Variants in ISM1 observed in about 807,000 individuals in gnomAD.
ISM1 encodes the protein isthmin-1.
ISM1 carries 25 observed loss-of-function variants against 46.3 expected under a neutral mutation model. That is an observed-to-expected ratio of 0.54 (90% CI 0.39 to 0.75). ISM1 has a LOEUF of 0.75. Ranked by LOEUF, ISM1 falls within the 30% of genes least tolerant of loss-of-function variation. The probability of loss-of-function intolerance (pLI) is 0.00; values close to 1 mark genes in which losing one functional copy is unlikely to be tolerated. For synonymous variants in ISM1, 255 were observed against 256.7 expected, an observed-to-expected ratio of 0.99 and a Z score of 0.06; for missense variants, 536 against 625.4, an observed-to-expected ratio of 0.86 and a Z score of 1.52.
chr20:13,260,808 T>C (rs2039980663), intron 1 of ISM1, among the ~76,000 whole-genome samples: 1 of 152,156 alleles, frequency 6.6e-6, no homozygotes, highest in Non-Finnish European at 1.5e-5. Flanking sequence ...CTGGGTTCAC[T>C]AGCTTAAACC....
At chr20:13,265,675 G>A (rs756948656) in intron 1 of ISM1, among the ~76,000 whole-genome samples, 3 of 152,168 alleles carry the variant, frequency 2.0e-5, no homozygotes, top group Non-Finnish European at 4.4e-5. Flanking sequence ...AATTGTGATA[G>A]TATTTGGTTG....
chr20:13,253,863 A>G (rs551980090), intron 1 of ISM1, among the ~76,000 whole-genome samples: 6 of 129,688 alleles, frequency 4.6e-5, no homozygotes, highest in African/African-American at 2.2e-4. Context: ...ATCCATATCC[A>G]TATATATATA....
the ISM1 span, among the ~76,000 whole-genome samples, chr20:13,312,972 G>A: frequency 1.3e-5 from 2 of 152,158 alleles, no homozygotes; most frequent in African/African-American, 2.4e-5. Flanking sequence ...GCATCTGGGT[G>A]GGGTGTGGAG....
At chr20:13,319,722 A>C in the ISM1 span, among the ~76,000 whole-genome samples, 2 of 152,176 alleles carry the variant, frequency 1.3e-5, no homozygotes, top group South Asian at 4.1e-4. Flanking sequence ...ATCTATTTGA[A>C]GATTAACCCC....
Position 13,299,093 on chromosome 20 carries a change from C to A in ISM1, c.1029C>A (p.Arg343=), listed in dbSNP as rs1568692819. 1 of 1,613,814 alleles carries A rather than the reference C, an allele frequency of 6.2e-7. No homozygotes were observed. Among genetic ancestry groups the A allele is most frequent in the East Asian group, 2.2e-5 (1 of 44,868 alleles). The change falls in exon 6 of 6, where the codon CGC becomes CGA. Residue 343 remains arginine, a synonymous_variant. Coordinates refer to ENST00000262487, the MANE Select transcript of ISM1 (RefSeq NM_080826.2). The surrounding 1 kb of genome is among the most constrained non-coding windows in gnomAD (Gnocchi z 5.8). ...CCGACATCTTCGACCGCATCAAGCG[C>A]AAGGACTTCCGCTGGAAGGACGCCA... ...STADIFDRIK[R]KDFRWKDASG...
downstream of ISM1, among the ~76,000 whole-genome samples, chr20:13,304,744 C>T (rs893402105): frequency 1.3e-5 from 2 of 152,150 alleles, no homozygotes; most frequent in Non-Finnish European, 1.5e-5. Context: ...CCTCACCCCT[C>T]GAGTGGGGCC....
chr20:13,296,608 A>C (rs1231477532), intron 5 of ISM1, among the ~76,000 whole-genome samples: 1 of 152,184 alleles, frequency 6.6e-6, no homozygotes, highest in African/African-American at 2.4e-5. Flanking sequence ...CTCTACCCTG[A>C]AGCCAGTCTC....
chr20:13,260,501 T>C (rs572680456), intron 1 of ISM1, among the ~76,000 whole-genome samples: 2 of 152,324 alleles, frequency 1.3e-5, no homozygotes, highest in African/African-American at 4.8e-5. Flanking sequence ...GTTCTAGTCA[T>C]TGCAGATAGA....
At chr20:13,246,491 C>T (rs967360997) in intron 1 of ISM1, among the ~76,000 whole-genome samples, 9 of 152,196 alleles carry the variant, frequency 5.9e-5, no homozygotes, top group Non-Finnish European at 1.2e-4. Flanking sequence ...ATACCCATGG[C>T]ATGCAGTGTA....
At chr20:13,311,243 T>TAGATAGATAGATAGATGATA in the ISM1 span, among the ~76,000 whole-genome samples, 7,599 of 127,458 alleles carry the variant, frequency 0.06, 278 homozygotes, top group Non-Finnish European at 0.077. Flanking sequence ...GATAGATAGA[T>TAGATAGATAGATAGATGATA]GATAGATAGA....
the ISM1 span, among the ~76,000 whole-genome samples, chr20:13,309,316 C>T: frequency 6.7e-6 from 1 of 150,066 alleles, no homozygotes; most frequent in East Asian, 1.9e-4. Context: ...GAATAAAGGA[C>T]AAAACATTTT....
At chr20:13,250,682 G>T (rs1403730104) in intron 1 of ISM1, among the ~76,000 whole-genome samples, 1 of 152,238 alleles carries the variant, frequency 6.6e-6, no homozygotes, top group Admixed American at 6.5e-5. Context: ...TAAGCTCCAT[G>T]AGGGTAAGAT....
At chr20:13,308,671 A>G in the ISM1 span, among the ~76,000 whole-genome samples, 5 of 152,254 alleles carry the variant, frequency 3.3e-5, no homozygotes, top group African/African-American at 9.6e-5. Flanking sequence ...ATTGTCAAAA[A>G]TGTGTCTATA....
At chr20:13,284,785 G>A (rs906133779) in intron 3 of ISM1, among the ~76,000 whole-genome samples, 6 of 152,114 alleles carry the variant, frequency 3.9e-5, no homozygotes, top group South Asian at 2.1e-4. Context: ...GCCACATGGC[G>A]AGTTCTATGC....
In ISM1 at chr20:13,221,818, G is replaced by C; in HGVS notation, c.42G>C (p.Leu14=). The C allele has an allele frequency of 6.9e-7, 1 of 1,458,526 alleles. No homozygotes were observed. The allele number at this position is 1,458,526 out of a possible 1,614,324, so 90.3% of individuals were successfully genotyped here. The change falls in exon 1 of 6, where the codon CTG becomes CTC. Residue 14 remains leucine (L), a synonymous_variant. Coordinates refer to ENST00000262487, the MANE Select transcript of ISM1 (RefSeq NM_080826.2). ...CCGAGCTGCTGCTGCTGCTGGGGCT[G>C]CTGCTGCTCACGCTGCACATCACCG... ...LAAELLLLLG[L]LLLTLHITVL...
chr20:13,248,158 G>A (rs563509407), intron 1 of ISM1, among the ~76,000 whole-genome samples: 1 of 152,314 alleles, frequency 6.6e-6, no homozygotes, highest in Non-Finnish European at 1.5e-5. Flanking sequence ...ATTCATAGTA[G>A]TACATTTCTT....
chr20:13,271,882 G>A (rs1173061578), intron 2 of ISM1, among the ~76,000 whole-genome samples: 3 of 152,058 alleles, frequency 2.0e-5, no homozygotes, highest in Admixed American at 6.6e-5. Flanking sequence ...AGGCTCAAGC[G>A]ATCCTCCCAC....
At chr20:13,309,851 CA>C in the ISM1 span, among the ~76,000 whole-genome samples, 34,488 of 151,460 alleles carry the variant, frequency 0.23, 5,740 homozygotes, top group African/African-American at 0.47. Flanking sequence ...ACAACAGCAT[CA>C]AAAAAAACTA....
At chr20:13,237,475 G>A (rs553560089) in intron 1 of ISM1, among the ~76,000 whole-genome samples, 4 of 152,280 alleles carry the variant, frequency 2.6e-5, no homozygotes, top group African/African-American at 9.6e-5. Flanking sequence ...TAAAGTACAT[G>A]CTGGATAATT....
Sources: gnomAD v4.1 joint callset for allele counts (sites outside exome capture counted in the v4.1 genomes callset) on GRCh38, gnomAD v4.1.1 for gene constraint, Gnocchi (gnomAD v3.1) non-coding constraint, MANE v1.5 for transcripts, NCBI Gene and HGNC (gene_info 2026-07-23, HGNC 2026-07-21) for gene names.